Variants in D2HGDH observed in about 807,000 individuals in gnomAD.
The protein encoded by D2HGDH is D-2-hydroxyglutarate dehydrogenase, also known as D-2-hydroxyglutarate dehydrogenase, mitochondrial.
D2HGDH carries 31 observed loss-of-function variants against 46.9 expected under a neutral mutation model. The observed-to-expected ratio is 0.66, with a 90% CI of 0.50 to 0.89. The LOEUF (loss-of-function observed/expected upper bound fraction) is 0.89. Ranked by LOEUF, D2HGDH falls within the 40% of genes least tolerant of loss-of-function variation. The pLI is 0.00. For missense variants in D2HGDH, 698 were observed against 720.8 expected, an observed-to-expected ratio of 0.97 and a Z score of 0.36; for synonymous variants, 364 against 332.6, an observed-to-expected ratio of 1.09 and a Z score of -1.03.
chr2:241,767,572 G>A, intron 9 of D2HGDH, 138 bp from the exon 10 acceptor site: 1 of 1,251,960 alleles, frequency 8.0e-7, no homozygotes, highest in East Asian at 2.5e-5. Flanking sequence ...CACGTCCAGG[G>A]CGAGTGGCAT....
chr2:241,760,701 T>C, intron 9 of D2HGDH, among the ~76,000 whole-genome samples: 1 of 152,260 alleles, frequency 6.6e-6, no homozygotes, highest in East Asian at 1.9e-4. Context: ...GGGTGGGCCT[T>C]ACCCAATCAG....
intron 8 of D2HGDH, among the ~76,000 whole-genome samples, chr2:241,752,883 C>T (rs1697499870): frequency 6.7e-6 from 1 of 148,786 alleles, no homozygotes; most frequent in African/African-American, 2.5e-5. Flanking sequence ...CCATGCCACC[C>T]CCAGGGCGGG....
In D2HGDH at chr2:241,740,718, G is replaced by A. The variant is rs749196792; in HGVS notation, c.293-315G>A. Among the ~76,000 whole-genome samples, 13 of 152,266 alleles carry A rather than the reference G, an allele frequency of 8.5e-5. No homozygotes were observed. In the East Asian group the frequency reaches 1.7e-3, roughly 20 times the overall value. On this transcript the variant is annotated intron_variant, in intron 2 of 9. Coordinates refer to ENST00000321264, the MANE Select transcript of D2HGDH (RefSeq NM_152783.5). ...TCCCAGCACTTTGGGAGGCCGCAGT[G>A]GGCGGATCACGAGGTCAGGAGTTCG...
intron 8 of D2HGDH, among the ~76,000 whole-genome samples, chr2:241,753,061 A>G (rs1400574552): frequency 6.6e-6 from 1 of 152,094 alleles, no homozygotes; most frequent in African/African-American, 2.4e-5. Flanking sequence ...GTTCATGACC[A>G]GGACAGGGCC....
chr2:241,758,231 G>A (rs748423139), intron 9 of D2HGDH, among the ~76,000 whole-genome samples: 5 of 152,154 alleles, frequency 3.3e-5, no homozygotes, highest in African/African-American at 4.8e-5. Flanking sequence ...CCTTTCTTCT[G>A]TCCATGCTGG....
intron 9 of D2HGDH, among the ~76,000 whole-genome samples, chr2:241,761,146 C>T (rs1575333998): frequency 6.6e-6 from 1 of 152,054 alleles, no homozygotes; most frequent in Non-Finnish European, 1.5e-5. Flanking sequence ...AATAACAATA[C>T]AACAATAAAA....
At position 241,741,197 on chromosome 2, in the gene D2HGDH, A is replaced by G; in HGVS notation, c.350+107A>G. ...TGACGCGGTGCGAAGCCAGCCGATG[A>G]CATCTTGGTTTGTGTGTCTCAGTGT... On this transcript the variant is annotated intron_variant, in intron 3 of 9. Coordinates refer to ENST00000321264, the MANE Select transcript of D2HGDH (RefSeq NM_152783.5). The G allele has an allele frequency of 2.9e-6, 3 of 1,023,572 alleles. 1 individual carries two copies. The highest frequency in any genetic ancestry group is 2.7e-5 in the South Asian group (2 of 73,938). The allele number at this position is 1,023,572 out of a possible 1,614,324, so 63.4% of individuals were successfully genotyped here.
chr2:241,760,579 T>A (rs1698697256), intron 9 of D2HGDH, among the ~76,000 whole-genome samples: 1 of 150,966 alleles, frequency 6.6e-6, no homozygotes, highest in South Asian at 2.1e-4. Context: ...CCTTGCCCAA[T>A]CAGTCGAAGT....
intron 9 of D2HGDH, among the ~76,000 whole-genome samples, chr2:241,758,632 C>T (rs1648352514): frequency 1.3e-5 from 2 of 152,010 alleles, no homozygotes; most frequent in South Asian, 4.2e-4. Context: ...TTTTGTAGGC[C>T]CGGTGCAGTG....
At chr2:241,765,306 T>G (rs1048049465) in intron 9 of D2HGDH, among the ~76,000 whole-genome samples, 50 of 127,274 alleles carry the variant, frequency 3.9e-4, no homozygotes, top group East Asian at 1.0e-3. Flanking sequence ...GGGGGAGAAC[T>G]TGGGGAGATG....
intron 7 of D2HGDH, 83 bp downstream of exon 7, chr2:241,750,377 G>A (rs1696947028): frequency 6.4e-7 from 1 of 1,550,814 alleles, no homozygotes; most frequent in Admixed American, 1.7e-5. Context: ...AGAGACCCCG[G>A]GTGGGCGGGG....
chr2:241,743,638 G>C lies in D2HGDH; in HGVS notation c.507G>C (p.Gln169His). The C allele has an allele frequency of 1.9e-6, 3 of 1,613,620 alleles. No individual in the cohort carries two copies. Among genetic ancestry groups the C allele is most frequent in the South Asian group, 2.2e-5 (2 of 90,952 alleles). The change falls in exon 5 of 10, where the codon CAG becomes CAC. Residue 169 changes from glutamine to histidine, a missense_variant. Gln to His is a conservative substitution (Grantham distance 24). Transcript: ENST00000321264. This position sits in a 1 kb window ranked among gnomAD's most constrained non-coding sequence, Gnocchi z 4.8. ...FHSVSGILVC[Q>H]AGCVLEELSR... ...TCTCTGCAGGAATTCTGGTTTGCCA[G>C]GCGGGCTGCGTCCTGGAGGAGCTGA... is the stretch of plus-strand genomic sequence containing the variant.
chr2:241,750,662 T>C (rs1226358234), intron 7 of D2HGDH, among the ~76,000 whole-genome samples: 1 of 152,160 alleles, frequency 6.6e-6, no homozygotes, highest in Non-Finnish European at 1.5e-5. Flanking sequence ...TCTTTTATGC[T>C]GGGAAAAAAG....
chr2:241,758,767 A>ATGTGTGTGTGTGTG (rs768590214), intron 9 of D2HGDH, among the ~76,000 whole-genome samples: 168 of 106,196 alleles, frequency 1.6e-3, no homozygotes, highest in East Asian at 4.3e-3. Flanking sequence ...GCCCCACAAT[A>ATGTGTGTGTGTGTG]TATGTGTGTG....
intron 5 of D2HGDH, 52 bp from the exon 6 acceptor site, chr2:241,744,657 C>A (rs569079811): frequency 6.2e-7 from 1 of 1,612,698 alleles, no homozygotes; most frequent in Admixed American, 1.7e-5. Context: ...AGGCGACCGA[C>A]GTCTTGTCAG....
At position 241,742,505 on chromosome 2, in the gene D2HGDH, C is replaced by A. The variant is rs757439316; in HGVS notation, c.421C>A (p.Pro141Thr). ...CACAGGCATGGTGGGTGGCAGCGTC[C>A]CCGTCTTTGACGAGATCATCCTCTC... ...GNTGMVGGSVPVFDEIILSTA... is the reference protein window; with the variant it reads ...GNTGMVGGSVTVFDEIILSTA... Residue 141 changes from proline to threonine, a missense_variant, in exon 4 of 10, where the codon CCC becomes ACC. By Grantham distance (38) the Pro-to-Thr change is conservative (BLOSUM62 -1). Coordinates refer to ENST00000321264, the MANE Select transcript of D2HGDH (RefSeq NM_152783.5). The surrounding 1 kb of genome is among the most constrained non-coding windows in gnomAD (Gnocchi z 4.8). 1 of 1,613,952 alleles carries A rather than the reference C, an allele frequency of 6.2e-7. No individual in the cohort carries two copies. The highest frequency in any genetic ancestry group is 8.5e-7 in the Non-Finnish European group (1 of 1,179,998).
At chr2:241,762,835 CTT>C (rs1210539126) in intron 9 of D2HGDH, among the ~76,000 whole-genome samples, 13 of 152,184 alleles carry the variant, frequency 8.5e-5, no homozygotes, top group Non-Finnish European at 1.5e-4. Context: ...ATTTTTGTCT[CTT>C]ATTTCTTTAC....
chr2:241,736,354 C>G (rs1692811518), intron 2 of D2HGDH: 1 of 152,410 alleles, frequency 6.6e-6, no homozygotes, highest in Admixed American at 6.5e-5. Flanking sequence ...GAATTCCCCT[C>G]CCCACCAAAC....
intron 2 of D2HGDH, 131 bp from the exon 3 acceptor site, chr2:241,740,902 G>A (rs577265527): frequency 2.7e-4 from 200 of 736,614 alleles, no homozygotes; most frequent in Admixed American, 7.1e-4. Context: ...CCAGGATCGT[G>A]GCACTTCAGC....
Sources: allele counts gnomAD v4.1 joint callset (sites outside exome capture counted in the v4.1 genomes callset), GRCh38; gene constraint gnomAD v4.1.1; non-coding constraint Gnocchi (gnomAD v3.1); transcripts MANE v1.5; gene names NCBI Gene and HGNC (gene_info 2026-07-23, HGNC 2026-07-21).